The following ZBTB17 variants were observed in gnomAD, a reference collection of about 807,000 sequenced individuals.
The protein encoded by ZBTB17 is zinc finger and BTB domain containing 17.
In ZBTB17, 24 loss-of-function variants were observed where a neutral mutation model predicts 85.1. The ratio of observed to expected loss-of-function variants is 0.28; its 90% confidence interval spans 0.20 to 0.40. ZBTB17 has a LOEUF of 0.40. Ranked by LOEUF, ZBTB17 falls within the 10% of genes least tolerant of loss-of-function variation. ZBTB17 has a pLI of 1.00. For synonymous variants in ZBTB17, 464 were observed against 460.2 expected (o/e 1.01, Z -0.11); for missense variants, 743 against 1,105.1 (o/e 0.67, Z 4.65).
At position 15,944,990 on chromosome 1, in the gene ZBTB17, A is replaced by G; in HGVS notation, c.874T>C (p.Tyr292His). The change falls in exon 7 of 16, where the codon TAC becomes CAC. Residue 292 changes from tyrosine to histidine, a missense_variant. Around this residue, in one of 4 missense-constraint regions of ZBTB17, gnomAD observed 279 missense variants for 269.9 expected, o/e 1.03. Transcript: ENST00000375743. ...SEARGLRSGTYGDRTESKAYG... is the reference protein window; with the variant it reads ...SEARGLRSGTHGDRTESKAYG... ...GCCTTGGACTCCGTGCGGTCGCCGT[A>G]GGTGCCTGAGCGCAGGCCCCGGGCC... 6.3e-7 allele frequency: 1 copy of G among 1,590,068 alleles called. No individual in the cohort carries two copies. Among genetic ancestry groups the G allele is most frequent in the Non-Finnish European group, 8.5e-7 (1 of 1,170,886 alleles).
intron 2 of ZBTB17, among the ~76,000 whole-genome samples, chr1:15,969,472 G>A (rs1048112008): frequency 3.9e-5 from 6 of 152,074 alleles, no homozygotes; most frequent in South Asian, 4.1e-4. Flanking sequence ...TGGGGGCTGC[G>A]GGCCATGCCA....
chr1:15,961,698 A>T (rs1027139545), intron 2 of ZBTB17, among the ~76,000 whole-genome samples: 9 of 152,172 alleles, frequency 5.9e-5, no homozygotes, highest in African/African-American at 2.2e-4. Flanking sequence ...TCAATCAGCA[A>T]AGCTGCTCCC....
intron 3 of ZBTB17, 128 bp from the exon 4 acceptor site, chr1:15,947,251 C>T: frequency 1.0e-6 from 1 of 971,598 alleles, no homozygotes; most frequent in Non-Finnish European, 1.5e-6. Flanking sequence ...TGCATCGCCC[C>T]ATCTCCTCTG....
chr1:15,972,261 G>A (rs2072715750), intron 2 of ZBTB17, among the ~76,000 whole-genome samples: 2 of 152,190 alleles, frequency 1.3e-5, no homozygotes, highest in African/African-American at 4.8e-5. Context: ...CAGAAACAAT[G>A]AATGGATAAA....
rs201215992 is a variant in ZBTB17 at position 15,944,304 on chromosome 1, T to C, written c.1367A>G (p.Asn456Ser). The C allele has an allele frequency of 7.5e-5, 116 of 1,551,776 alleles. 1 individual carries two copies. The highest frequency in any genetic ancestry group is 1.4e-4 in the African/African-American group (10 of 73,180). ...TTCCGGGAGGGGTCCGCACACCTGG[T>C]TGAACTTCTTGTCGCAGTGTGGGCA... ...HKCPHCDKKF[N>S]QVGNLKAHLK... Residue 456 changes from asparagine to serine, a missense_variant, in exon 9 of 16, where the codon AAC becomes AGC. By Grantham distance (46) the Asn-to-Ser change is conservative (BLOSUM62 1). Around this residue, in one of 4 missense-constraint regions of ZBTB17, gnomAD observed 321 missense variants for 615.7 expected, o/e 0.52. Coordinates refer to ENST00000375743, the MANE Select transcript of ZBTB17 (RefSeq NM_003443.3).
chr1:15,970,022 A>T (rs1182809944), intron 2 of ZBTB17: 1 of 771,154 alleles, frequency 1.3e-6, no homozygotes, highest in African/African-American at 1.7e-5. Context: ...CACTGGGATG[A>T]TGCTTTTCTG....
At chr1:15,944,640 G>T in intron 8 of ZBTB17, 40 bp from the exon 9 acceptor site, 1 of 1,600,946 alleles carries the variant, frequency 6.2e-7, no homozygotes, top group Non-Finnish European at 8.5e-7. Context: ...GGCTCGCTGG[G>T]GCGTGAAAGG....
intron 4 of ZBTB17, 47 bp downstream of exon 4, chr1:15,946,887 AG>A: frequency 6.4e-7 from 1 of 1,567,224 alleles, no homozygotes; most frequent in Non-Finnish European, 8.7e-7. Flanking sequence ...CCACATCAAA[AG>A]CCAAGGTCTC....
Position 15,976,007 on chromosome 1 carries a change from A to G in ZBTB17, c.-114T>C. 1.4e-6 allele frequency: 1 copy of G among 698,862 alleles called. No homozygotes were observed. The highest frequency in any genetic ancestry group is 1.5e-5 in the South Asian group (1 of 66,994). 43.3% of individuals were successfully genotyped at this position (698,862 alleles called of 1,614,324 possible). Reference sequence around the variant, plus strand: ...CCTGCCATGTCCCGGACCCCACCGCAGAGGGAGGTGCATCACGGCCGCGAG... The same window carrying G: ...CCTGCCATGTCCCGGACCCCACCGCGGAGGGAGGTGCATCACGGCCGCGAG... On this transcript the variant is annotated 5_prime_UTR_variant, in exon 1 of 16. Transcript: ENST00000375743.
At chr1:15,956,963 G>A (rs527430538) in intron 2 of ZBTB17, among the ~76,000 whole-genome samples, 2 of 152,160 alleles carry the variant, frequency 1.3e-5, no homozygotes, top group Non-Finnish European at 2.9e-5. Flanking sequence ...GGTGGATCAC[G>A]AGGTCAGGAG....
Position 15,943,633 on chromosome 1 carries a change from G to A in ZBTB17, c.1542C>T (p.Pro514=), listed in dbSNP as rs1476307402. ...TGCGGACGTGCCGCTGCAGAGCGCC[G>A]GGGTCTGCAAACTGTCGCTGGCAGT... The part of the protein sequence containing the change: ...CIHCQRQFAD[P]GALQRHVRIH... Residue 514 remains proline, a synonymous_variant, in exon 11 of 16, where the codon CCC becomes CCT. Transcript: ENST00000375743. 13 of 1,612,872 alleles carry A rather than the reference G, an allele frequency of 8.1e-6. No individual in the cohort carries two copies. Among genetic ancestry groups the A allele is most frequent in the African/African-American group, 1.3e-5 (1 of 74,936 alleles).
At position 15,964,612 on chromosome 1, in the gene ZBTB17, G is replaced by A. The variant is rs1353835817; in HGVS notation, c.-3+8427C>T. 6.6e-6 allele frequency among the ~76,000 whole-genome samples: 1 copy of A among 152,198 alleles called. No homozygotes were observed. The highest frequency in any genetic ancestry group is 1.5e-5 in the Non-Finnish European group (1 of 68,042). Reference sequence around the variant, plus strand: ...TGTGCCTCTAGTCTCAGCTACTTGGGAGGCTGAGGCGGAAGGATAGCTTAA... The same window carrying A: ...TGTGCCTCTAGTCTCAGCTACTTGGAAGGCTGAGGCGGAAGGATAGCTTAA... On this transcript the variant is annotated intron_variant, in intron 2 of 15. Coordinates refer to ENST00000375743, the MANE Select transcript of ZBTB17 (RefSeq NM_003443.3). This position sits in a 1 kb window ranked among gnomAD's most constrained non-coding sequence, Gnocchi z 4.3.
At chr1:15,972,084 C>T (rs749441597) in intron 2 of ZBTB17, among the ~76,000 whole-genome samples, 4 of 152,124 alleles carry the variant, frequency 2.6e-5, no homozygotes, top group East Asian at 1.9e-4. Flanking sequence ...AGCCTTCCAG[C>T]GCCAGTGCAT....
In ZBTB17 at chr1:15,952,107, T is replaced by G. The variant is rs554857664; in HGVS notation, c.-2-3610A>C. Among the ~76,000 whole-genome samples, 7 of 152,116 alleles carry G rather than the reference T, an allele frequency of 4.6e-5. No homozygotes were observed. The highest frequency in any genetic ancestry group is 7.4e-5 in the Non-Finnish European group (5 of 68,016). Reference sequence around the variant, plus strand: ...ACTTCTAAGGAAGATCCTAAAACCTTAGAACCATAGAAAATGCCAACAGAA... The same window carrying G: ...ACTTCTAAGGAAGATCCTAAAACCTGAGAACCATAGAAAATGCCAACAGAA... On this transcript the variant is annotated intron_variant, in intron 2 of 15. Transcript: ENST00000375743. This position sits in a 1 kb window ranked among gnomAD's most constrained non-coding sequence, Gnocchi z 4.3.
intron 2 of ZBTB17, among the ~76,000 whole-genome samples, chr1:15,969,074 A>C (rs2072546831): frequency 6.6e-6 from 1 of 152,152 alleles, no homozygotes. Context: ...TGCCATTACC[A>C]CCTAAGCTCC....
chr1:15,955,490 A>G (rs999427921), intron 2 of ZBTB17, among the ~76,000 whole-genome samples: 2 of 152,234 alleles, frequency 1.3e-5, no homozygotes, highest in Non-Finnish European at 2.9e-5. Flanking sequence ...CATTCCCAGC[A>G]TAAGAATCAC....
Position 15,966,128 on chromosome 1 carries a change from G to C in ZBTB17, c.-3+6911C>G, listed in dbSNP as rs1308090711. On this transcript the variant is annotated intron_variant, in intron 2 of 15. Transcript: ENST00000375743. This position sits in a 1 kb window ranked among gnomAD's most constrained non-coding sequence, Gnocchi z 4.1. ...CATTTGCCAAGCATTAATTTGGGCT[G>C]CTGACTGAGTCACAGTAACGGGGGA... 6.6e-6 allele frequency among the ~76,000 whole-genome samples: 1 copy of C among 152,186 alleles called. No homozygotes were observed. Among genetic ancestry groups the C allele is most frequent in the Non-Finnish European group, 1.5e-5 (1 of 68,048 alleles).
In ZBTB17 at chr1:15,947,014, G is replaced by A; in HGVS notation, c.315C>T (p.Ile105=). The change falls in exon 4 of 16, where the codon ATC becomes ATT. Residue 105 remains isoleucine (I), a synonymous_variant. Coordinates refer to ENST00000375743, the MANE Select transcript of ZBTB17 (RefSeq NM_003443.3). The part of the protein sequence containing the change: ...VATFLQMQDI[I]TACHALKSLA... Reference sequence around the variant, plus strand: ...GTGACTTGAGGGCATGGCAGGCCGTGATGATGTCCTGCATTTGGAGGAAAG... The same window carrying A: ...GTGACTTGAGGGCATGGCAGGCCGTAATGATGTCCTGCATTTGGAGGAAAG... The A allele has an allele frequency of 6.2e-7, 1 of 1,614,100 alleles. No homozygotes were observed. The highest frequency in any genetic ancestry group is 2.2e-5 in the East Asian group (1 of 44,884).
rs935694980 is a variant in ZBTB17, at chr1:15,966,894, C to T, written c.-3+6145G>A. On this transcript the variant is annotated intron_variant, in intron 2 of 15. Coordinates refer to ENST00000375743, the MANE Select transcript of ZBTB17 (RefSeq NM_003443.3). This position sits in a 1 kb window ranked among gnomAD's most constrained non-coding sequence, Gnocchi z 4.1. ...CTGCACTCCAACCTGGGCGAAAGAG[C>T]GAGACCCTGTCTCAAAAATTAAATT... Among the ~76,000 whole-genome samples the T allele has an allele frequency of 2.0e-5, 3 of 149,298 alleles. No individual in the cohort carries two copies. The highest frequency in any genetic ancestry group is 3.0e-5 in the Non-Finnish European group (2 of 67,598).
Sources: allele counts gnomAD v4.1 joint callset (sites outside exome capture counted in the v4.1 genomes callset), GRCh38; gene constraint gnomAD v4.1.1; regional missense constraint gnomAD v4.1.1; non-coding constraint Gnocchi (gnomAD v3.1); transcripts MANE v1.5; gene names NCBI Gene and HGNC (gene_info 2026-07-23, HGNC 2026-07-21).